The following ZFHX4 variants were observed in gnomAD, a reference collection of about 807,000 sequenced individuals.
The protein encoded by ZFHX4 is zinc finger homeobox 4, also known as zinc finger homeobox protein 4.
A neutral mutation model predicts 267.6 loss-of-function variants in ZFHX4; 56 were observed. The ratio of observed to expected loss-of-function variants is 0.21; its 90% CI spans 0.17 to 0.26. The LOEUF (loss-of-function observed/expected upper bound fraction) is 0.26. Among genes scored for constraint, ZFHX4 ranks in the 10% least tolerant of loss-of-function variants. The pLI is 1.00. For synonymous variants in ZFHX4, 1,778 were observed against 1,665.6 expected (o/e 1.07, Z -1.64); for missense variants, 4,332 against 4,420.0 (o/e 0.98, Z 0.56).
At chr8:76,846,809 T>C (rs139379910) in intron 6 of ZFHX4, among the ~76,000 whole-genome samples, 1 of 152,228 alleles carries the variant, frequency 6.6e-6, no homozygotes, top group East Asian at 1.9e-4. Context: ...TTAATAGATT[T>C]ATAAGTTTCT....
chr8:76,780,808 G>A (rs551021077), intron 4 of ZFHX4, among the ~76,000 whole-genome samples: 1 of 152,198 alleles, frequency 6.6e-6, no homozygotes, highest in East Asian at 1.9e-4. Context: ...GGCATTCTGA[G>A]GGAAGCATTG....
At chr8:76,702,414 G>T (rs1563468336) in intron 1 of ZFHX4, among the ~76,000 whole-genome samples, 1 of 152,180 alleles carries the variant, frequency 6.6e-6, no homozygotes, top group African/African-American at 2.4e-5. Flanking sequence ...AGTAAAGAGA[G>T]TATTAATAAG....
rs1314129830 is a variant in ZFHX4 at position 76,706,503 on chromosome 8, C to T, written c.2415C>T (p.Ile805=). 1 of 1,613,708 alleles carries T rather than the reference C, an allele frequency of 6.2e-7. No individual in the cohort carries two copies. Among genetic ancestry groups the T allele is most frequent in the Non-Finnish European group, 8.5e-7 (1 of 1,179,840 alleles). ...TTTTGCAGCAGAACATGAAGCAGATCCAGCATAATCTGCACTTGGGCCTCG... is the reference window on the plus strand; with the variant it reads ...TTTTGCAGCAGAACATGAAGCAGATTCAGCATAATCTGCACTTGGGCCTCG... ...MMLLQQNMKQ[I]QHNLHLGLAP... Residue 805 remains isoleucine (I), a synonymous_variant, in exon 2 of 11, where the codon ATC becomes ATT. Transcript: ENST00000651372.
intron 10 of ZFHX4, 63 bp downstream of exon 10, chr8:76,856,363 T>C: frequency 6.3e-7 from 1 of 1,577,564 alleles, no homozygotes; most frequent in Non-Finnish European, 8.6e-7. Flanking sequence ...CAGTCACATG[T>C]AACCAAGAAC....
Position 76,851,010 on chromosome 8 carries a change from T to G in ZFHX4, c.4089T>G (p.Asn1363Lys). The G allele has an allele frequency of 3.1e-6, 5 of 1,613,802 alleles. No individual in the cohort carries two copies. Among genetic ancestry groups the G allele is most frequent in the Non-Finnish European group, 4.2e-6 (5 of 1,179,844 alleles). ...TGGAAGTCTCAGAATGGAATAAAAA[T>G]AGCAGTAAGGATGTGAAAATCCCCG... is the stretch of plus-strand genomic sequence containing the variant. ...EPLEVSEWNK[N>K]SSKDVKIPDT... Residue 1363 changes from asparagine (N) to lysine (K), a missense_variant, in exon 10 of 11, where the codon AAT becomes AAG. Physicochemically the swap from Asn to Lys is moderately conservative, Grantham distance 94. Coordinates refer to ENST00000651372, the MANE Select transcript of ZFHX4 (RefSeq NM_024721.5).
At chr8:76,830,161 G>A (rs1411368996) in intron 4 of ZFHX4, among the ~76,000 whole-genome samples, 1 of 152,124 alleles carries the variant, frequency 6.6e-6, no homozygotes, top group African/African-American at 2.4e-5. Context: ...TCTGTAAAAT[G>A]TTGTTGTTGA....
rs1812564076 is a variant in ZFHX4 at position 76,852,594 on chromosome 8, G to A, written c.5673G>A (p.Leu1891=). 3 of 1,611,944 alleles carry A rather than the reference G, an allele frequency of 1.9e-6. No homozygotes were observed. In the African/African-American group the frequency reaches 4.0e-5, roughly 21 times the overall value. The change falls in exon 10 of 11, where the codon TTG becomes TTA. Residue 1891 remains leucine (L), a synonymous_variant. Coordinates refer to ENST00000651372, the MANE Select transcript of ZFHX4 (RefSeq NM_024721.5). ...EGKDTKKQKS[L]EPSIPPPRIA... ...AAGACACAAAGAAGCAAAAATCCTT[G>A]GAACCATCCATCCCACCACCCCGAA...
chr8:76,823,337 C>A (rs1811704186), intron 4 of ZFHX4, among the ~76,000 whole-genome samples: 2 of 152,186 alleles, frequency 1.3e-5, no homozygotes. Flanking sequence ...CTGCTGCTCA[C>A]ACAGTCCAAA....
intron 3 of ZFHX4, among the ~76,000 whole-genome samples, chr8:76,768,561 A>G (rs1810150111): frequency 6.6e-6 from 1 of 152,162 alleles, no homozygotes; most frequent in African/African-American, 2.4e-5. Flanking sequence ...AGGGAAGAGA[A>G]ATAAATCTGA....
At chr8:76,798,941 CT>C (rs1811050894) in intron 4 of ZFHX4, among the ~76,000 whole-genome samples, 1 of 152,082 alleles carries the variant, frequency 6.6e-6, no homozygotes, top group African/African-American at 2.4e-5. Flanking sequence ...ATCCTTTTGC[CT>C]GCAGAGGATA....
At chr8:76,743,028 T>G (rs539761498) in intron 3 of ZFHX4, among the ~76,000 whole-genome samples, 1 of 152,330 alleles carries the variant, frequency 6.6e-6, no homozygotes, top group Non-Finnish European at 1.5e-5. Flanking sequence ...AATTATTCTT[T>G]TCAAACATTT....
rs1006941504 is a variant in ZFHX4, at chr8:76,864,758, G to T, written c.*193G>T. ...TGTAATGGACAGAACTGATGCAGAT[G>T]GTTGAATGCGCTTGTACTATATGCT... On this transcript the variant is annotated 3_prime_UTR_variant, in exon 11 of 11. Transcript: ENST00000651372. 2.3e-5 allele frequency: 10 copies of T among 431,650 alleles called. No homozygotes were observed. The highest frequency in any genetic ancestry group is 3.7e-5 in the Non-Finnish European group (9 of 242,396). The allele number at this position is 431,650 out of a possible 1,614,324, so 26.7% of individuals were successfully genotyped here.
chr8:76,738,627 T>TTCCTTCCTTCCTTCCTTCC (rs1563493526), intron 3 of ZFHX4, among the ~76,000 whole-genome samples: 11 of 98,760 alleles, frequency 1.1e-4, no homozygotes, highest in Non-Finnish European at 1.2e-4. Context: ...TCCTTCCTTC[T>TTCCTTCCTTCCTTCCTTCC]TTCCTTCCTT....
Position 76,863,931 on chromosome 8 carries a change from G to A in ZFHX4, c.10217G>A (p.Arg3406Lys). Reference protein sequence around the residue: ...VPFVKYEFICRKCQMMFTDED... With the variant: ...VPFVKYEFICKKCQMMFTDED... ...TTCGTCAAGTATGAGTTTATATGCA[G>A]AAAGTGCCAGATGATGTTTACTGAT... is the stretch of plus-strand genomic sequence containing the variant. The change falls in exon 11 of 11, where the codon AGA (arginine) becomes AAA (lysine). Residue 3406 changes from arginine to lysine, a missense_variant. Around this residue, in one of 7 missense-constraint regions of ZFHX4, gnomAD observed 1,648 missense variants for 1,625.0 expected, o/e 1.01. Transcript: ENST00000651372. The A allele has an allele frequency of 6.3e-7, 1 of 1,598,990 alleles. No individual in the cohort carries two copies. Among genetic ancestry groups the A allele is most frequent in the South Asian group, 1.1e-5 (1 of 88,880 alleles).
Position 76,760,181 on chromosome 8 carries a change from T to C in ZFHX4, c.3094-18027T>C, listed in dbSNP as rs1273256366. Among the ~76,000 whole-genome samples the C allele has an allele frequency of 3.9e-5, 6 of 152,128 alleles. No individual in the cohort carries two copies. In the East Asian group the frequency reaches 9.6e-4, roughly 24 times the overall value. On this transcript the variant is annotated intron_variant, in intron 3 of 10. Coordinates refer to ENST00000651372, the MANE Select transcript of ZFHX4 (RefSeq NM_024721.5). Reference sequence around the variant, plus strand: ...TTATTTCTCCTAAGACCTTTTCTTGTTTTCCTTTGATTTCTAAGGATGTAC... The same window carrying C: ...TTATTTCTCCTAAGACCTTTTCTTGCTTTCCTTTGATTTCTAAGGATGTAC...
At chr8:76,842,866 T>A in intron 6 of ZFHX4, 95 bp downstream of exon 6, 1 of 804,596 alleles carries the variant, frequency 1.2e-6, no homozygotes, top group Non-Finnish European at 2.0e-6. Context: ...CAAAACTTAT[T>A]AAAAGCTTTT....
intron 4 of ZFHX4, among the ~76,000 whole-genome samples, chr8:76,822,004 CCT>C (rs949236882): frequency 5.3e-5 from 8 of 151,964 alleles, no homozygotes; most frequent in African/African-American, 1.2e-4. Context: ...TGTTTCTGCC[CCT>C]GTCTCTCCAC....
chr8:76,839,691 G>A (rs900106311), intron 5 of ZFHX4, among the ~76,000 whole-genome samples: 2 of 152,048 alleles, frequency 1.3e-5, no homozygotes, highest in Admixed American at 6.6e-5. Flanking sequence ...AATGAAAACC[G>A]CTTTGGCATC....
chr8:76,825,362 C>T (rs1265408619), intron 4 of ZFHX4, among the ~76,000 whole-genome samples: 2 of 152,194 alleles, frequency 1.3e-5, no homozygotes, highest in Non-Finnish European at 2.9e-5. Flanking sequence ...TATCAAATAG[C>T]TAGAAACTGG....
Sources: allele counts gnomAD v4.1 joint callset (sites outside exome capture counted in the v4.1 genomes callset), GRCh38; gene constraint gnomAD v4.1.1; regional missense constraint gnomAD v4.1.1; transcripts MANE v1.5; gene names NCBI Gene and HGNC (gene_info 2026-07-23, HGNC 2026-07-21).